Variants in PDZRN4 observed in about 807,000 individuals in gnomAD.
The protein encoded by PDZRN4 is PDZ domain-containing RING finger protein 4.
A neutral mutation model predicts 99.0 loss-of-function variants in PDZRN4; 70 were observed. The ratio of observed to expected loss-of-function variants is 0.71; its 90% CI spans 0.58 to 0.86. PDZRN4 has a LOEUF of 0.86. Among genes scored for constraint, PDZRN4 ranks in the 40% least tolerant of loss-of-function variants. The pLI is 0.00. For synonymous variants in PDZRN4, 551 were observed against 501.6 expected, an observed-to-expected ratio of 1.10 and a Z score of -1.32; for missense variants, 1,474 against 1,331.2, an observed-to-expected ratio of 1.11 and a Z score of -1.67.
intron 3 of PDZRN4, among the ~76,000 whole-genome samples, chr12:41,300,329 C>T (rs1951526637): frequency 6.6e-6 from 1 of 151,862 alleles, no homozygotes; most frequent in Non-Finnish European, 1.5e-5. Context: ...GTCCCAACTC[C>T]TGATAAATTT....
At chr12:41,280,680 A>C (rs1591995688) in intron 3 of PDZRN4, among the ~76,000 whole-genome samples, 1 of 152,204 alleles carries the variant, frequency 6.6e-6, no homozygotes, top group Non-Finnish European at 1.5e-5. Flanking sequence ...CTCTCTGGGC[A>C]GGGCATCTCT....
intron 3 of PDZRN4, among the ~76,000 whole-genome samples, chr12:41,412,829 C>A (rs138605051): frequency 0.034 from 5,170 of 152,140 alleles, 121 homozygotes; most frequent in African/African-American, 0.073. Context: ...GTGGCTCATG[C>A]CTGTAATCCC....
At chr12:41,256,140 T>C (rs970544029) in intron 3 of PDZRN4, among the ~76,000 whole-genome samples, 1 of 152,184 alleles carries the variant, frequency 6.6e-6, no homozygotes. Context: ...AGGATAATTT[T>C]CAAAATAAAA....
At chr12:41,301,845 T>C (rs1192188427) in intron 3 of PDZRN4, among the ~76,000 whole-genome samples, 2 of 152,032 alleles carry the variant, frequency 1.3e-5, no homozygotes, top group Non-Finnish European at 2.9e-5. Flanking sequence ...CCCTCATAAT[T>C]TTAGCCATGT....
At chr12:41,381,932 G>T (rs1952130242) in intron 3 of PDZRN4, among the ~76,000 whole-genome samples, 1 of 152,118 alleles carries the variant, frequency 6.6e-6, no homozygotes, top group South Asian at 2.1e-4. Flanking sequence ...GCATTTACAG[G>T]CAGGTAGGGC....
At chr12:41,379,404 C>T in intron 3 of PDZRN4, among the ~76,000 whole-genome samples, 1 of 150,256 alleles carries the variant, frequency 6.7e-6, no homozygotes, top group African/African-American at 2.4e-5. Context: ...TTTTATTCTG[C>T]CAAATGTGGG....
chr12:41,255,330 C>G (rs978329452), intron 3 of PDZRN4, among the ~76,000 whole-genome samples: 2 of 151,992 alleles, frequency 1.3e-5, no homozygotes, highest in African/African-American at 4.8e-5. Context: ...ATATAGAGTT[C>G]GATAATTAAG....
intron 3 of PDZRN4, among the ~76,000 whole-genome samples, chr12:41,243,050 C>T (rs1951110700): frequency 6.6e-6 from 1 of 152,144 alleles, no homozygotes; most frequent in Admixed American, 6.5e-5. Flanking sequence ...CTGTTATTTT[C>T]TTTGTCTGTT....
intron 3 of PDZRN4, among the ~76,000 whole-genome samples, chr12:41,480,985 C>G (rs79293125): frequency 6.9e-6 from 1 of 145,454 alleles, no homozygotes; most frequent in Non-Finnish European, 1.5e-5. Flanking sequence ...TTTTTTTTTT[C>G]TAATAGGCTA....
chr12:41,532,592 T>C (rs1193335178), intron 5 of PDZRN4, among the ~76,000 whole-genome samples: 2 of 152,220 alleles, frequency 1.3e-5, no homozygotes, highest in Non-Finnish European at 2.9e-5. Context: ...TTTCTCCATA[T>C]GATTACACAT....
chr12:41,332,959 AG>A (rs768398051), intron 3 of PDZRN4, among the ~76,000 whole-genome samples: 1 of 152,062 alleles, frequency 6.6e-6, no homozygotes, highest in Non-Finnish European at 1.5e-5. Context: ...CCTACTGAAA[AG>A]TAAGAACTAC....
In PDZRN4 at chr12:41,487,880, C is replaced by T. The variant is rs147800442; in HGVS notation, c.844-18576C>T. Among the ~76,000 whole-genome samples the T allele has an allele frequency of 5.5e-3, 845 of 152,262 alleles. 7 individuals are homozygous for T. The highest frequency in any genetic ancestry group is 0.02 in the African/African-American group (814 of 41,556). ...TGGAGTTAAACTTAAGAAAGTAGTT[C>T]TTCATTCGGTAAACATAGTAATTGA... On this transcript the variant is annotated intron_variant, in intron 3 of 9. Coordinates refer to ENST00000402685, the MANE Select transcript of PDZRN4 (RefSeq NM_001164595.2).
intron 3 of PDZRN4, among the ~76,000 whole-genome samples, chr12:41,277,478 C>CA (rs1181598822): frequency 6.6e-6 from 1 of 152,180 alleles, no homozygotes; most frequent in East Asian, 1.9e-4. Flanking sequence ...GTTGTGAACT[C>CA]AGTTTATGCA....
Position 41,438,959 on chromosome 12 carries a change from C to T in PDZRN4, c.844-67497C>T, listed in dbSNP as rs539584631. On this transcript the variant is annotated intron_variant, in intron 3 of 9. Coordinates refer to ENST00000402685, the MANE Select transcript of PDZRN4 (RefSeq NM_001164595.2). The stretch of plus-strand genomic sequence containing the variant: ...GACGATGCTTGGGATGTTGGTGGCC[C>T]ATGGCACAGCAGTAGCCAAGTGCCC... Among the ~76,000 whole-genome samples, 5 of 152,280 alleles carry T rather than the reference C, an allele frequency of 3.3e-5. No homozygotes were observed. The South Asian group carries it at 8.3e-4, about 25-fold the overall frequency.
intron 3 of PDZRN4, among the ~76,000 whole-genome samples, chr12:41,320,946 T>C (rs1166687259): frequency 6.6e-6 from 1 of 152,170 alleles, no homozygotes; most frequent in Non-Finnish European, 1.5e-5. Flanking sequence ...TGCTTGCATC[T>C]TCTAGCATTT....
chr12:41,437,689 G>A (rs968930314), intron 3 of PDZRN4: 2 of 1,314,802 alleles, frequency 1.5e-6, no homozygotes, highest in Non-Finnish European at 2.0e-6. Context: ...AGAGACGGGG[G>A]AGTGTTGCCA....
At chr12:41,369,539 T>C (rs1565564228) in intron 3 of PDZRN4, among the ~76,000 whole-genome samples, 1 of 152,052 alleles carries the variant, frequency 6.6e-6, no homozygotes, top group Non-Finnish European at 1.5e-5. Context: ...CATTTCCTTT[T>C]CTGTCAAACT....
intron 9 of PDZRN4, among the ~76,000 whole-genome samples, chr12:41,568,445 A>G (rs1434698278): frequency 6.6e-6 from 1 of 152,184 alleles, no homozygotes; most frequent in South Asian, 2.1e-4. Context: ...TTCCCATAGT[A>G]TAACTTGTGC....
intron 3 of PDZRN4, among the ~76,000 whole-genome samples, chr12:41,413,588 C>A (rs1012142771): frequency 1.3e-5 from 2 of 152,010 alleles, no homozygotes; most frequent in African/African-American, 4.8e-5. Context: ...CTGATATGAT[C>A]CCTATACATT....
Sources: gnomAD v4.1 joint callset for allele counts (sites outside exome capture counted in the v4.1 genomes callset) on GRCh38, gnomAD v4.1.1 for gene constraint, MANE v1.5 for transcripts, NCBI Gene and HGNC (gene_info 2026-07-23, HGNC 2026-07-21) for gene names.